The following TTLL1 variants were observed in gnomAD, a reference collection of about 807,000 sequenced individuals.
TTLL1 encodes polyglutamylase complex subunit TTLL1.
A neutral mutation model predicts 47.8 loss-of-function variants in TTLL1; 33 were observed. The observed-to-expected ratio is 0.69, with a 90% confidence interval of 0.52 to 0.92. The LOEUF is 0.92. Among genes scored for constraint, TTLL1 ranks in the 40% least tolerant of loss-of-function variants. The pLI, the probability that TTLL1 is intolerant of heterozygous loss-of-function variation, is 0.00. For missense variants in TTLL1, 488 were observed against 547.5 expected (o/e 0.89, Z 1.08); for synonymous variants, 225 against 214.1 (o/e 1.05, Z -0.45).
At position 43,051,890 on chromosome 22, in the gene TTLL1, GGA is replaced by G. The variant is rs760234023; in HGVS notation, c.892-5_892-4del. On this transcript the variant is annotated splice_region_variant and splice_polypyrimidine_tract_variant and intron_variant, in intron 8 of 10. Transcript: ENST00000266254. Reference sequence around the variant, plus strand: ...TGCTTGTCATTGTTCATCACCGGCTGGAGAGAGAGTGACCAGTGGGTGACATG... The same window carrying G: ...TGCTTGTCATTGTTCATCACCGGCTGGAGAGAGTGACCAGTGGGTGACATG... 3.1e-6 allele frequency: 5 copies of G among 1,613,802 alleles called. No homozygotes were observed. Among genetic ancestry groups the G allele is most frequent in the Non-Finnish European group, 4.2e-6 (5 of 1,179,866 alleles).
chr22:43,072,953 T>G (rs1271047120), intron 3 of TTLL1, among the ~76,000 whole-genome samples: 2 of 152,226 alleles, frequency 1.3e-5, no homozygotes, highest in Admixed American at 6.5e-5. Flanking sequence ...GGGGTATTTT[T>G]CTGTTTGCAG....
chr22:43,056,568 C>T (rs1456183233), intron 8 of TTLL1, among the ~76,000 whole-genome samples: 1 of 149,156 alleles, frequency 6.7e-6, no homozygotes, highest in Non-Finnish European at 1.5e-5. Context: ...TGGATCACCT[C>T]AGGTCAGGAG....
At chr22:43,068,955 C>G (rs979405885) in intron 4 of TTLL1, among the ~76,000 whole-genome samples, 1 of 152,058 alleles carries the variant, frequency 6.6e-6, no homozygotes, top group Non-Finnish European at 1.5e-5. Context: ...AGCTTTTATC[C>G]CGGACTTGGA....
intron 1 of TTLL1, among the ~76,000 whole-genome samples, chr22:43,085,608 A>G (rs1012132996): frequency 2.0e-5 from 3 of 152,116 alleles, no homozygotes; most frequent in African/African-American, 7.2e-5. Context: ...CTCTTCCTTC[A>G]TCTTCCGCCA....
In TTLL1 at chr22:43,059,599, C is replaced by T. The variant is rs192591929; in HGVS notation, c.748-72G>A. The T allele has an allele frequency of 3.3e-3, 4,993 of 1,504,932 alleles. 7 individuals carry two copies. Among genetic ancestry groups the T allele is most frequent in the Non-Finnish European group, 4.1e-3 (4,583 of 1,122,086 alleles). The allele number at this position is 1,504,932 out of a possible 1,614,324, so 93.2% of individuals were successfully genotyped here. ...GAGGAACCCAGCGGAACCGTTGCAT[C>T]CCCCAAGCATTTCTGGAGTGCCCCC... On this transcript the variant is annotated intron_variant, in intron 7 of 10. Coordinates refer to ENST00000266254, the MANE Select transcript of TTLL1 (RefSeq NM_012263.5).
At position 43,059,372 on chromosome 22, in the gene TTLL1, C is replaced by T. The variant is rs761986799; in HGVS notation, c.891+12G>A. On this transcript the variant is annotated intron_variant, in intron 8 of 10. Transcript: ENST00000266254. ...CCCTGGGAGCCGGCTCCCCCGCCCGCACCAAACTCACCGCCACAGCCTTCA... is the reference window on the plus strand; with the variant it reads ...CCCTGGGAGCCGGCTCCCCCGCCCGTACCAAACTCACCGCCACAGCCTTCA... 47 of 1,606,564 alleles carry T rather than the reference C, an allele frequency of 2.9e-5. 1 individual carries two copies. The South Asian group carries it at 5.1e-4, about 17-fold the overall frequency.
In TTLL1 at chr22:43,068,415, T is replaced by C; in HGVS notation, c.498A>G (p.Thr166=). 6.6e-7 allele frequency: 1 copy of C among 1,505,442 alleles called. No individual in the cohort carries two copies. Among genetic ancestry groups the C allele is most frequent in the Non-Finnish European group, 9.0e-7 (1 of 1,108,426 alleles). The allele number at this position is 1,505,442 out of a possible 1,614,324, so 93.3% of individuals were successfully genotyped here. The change falls in exon 5 of 11, where the codon ACA becomes ACG. Residue 166 remains threonine (T), a synonymous_variant. Transcript: ENST00000266254. ...GGGTGGCTGCCCACACTTACGAAGA[T>C]GTCTTGCTGTCCCGGGACCACTTTT... The part of the protein sequence containing the change: ...QIKKWSRDSK[T]SSFVSQSNKE...
At chr22:43,082,519 C>T (rs978230159) in intron 1 of TTLL1, among the ~76,000 whole-genome samples, 1 of 151,872 alleles carries the variant, frequency 6.6e-6, no homozygotes, top group Non-Finnish European at 1.5e-5. Context: ...AGTTCGAGAC[C>T]AGCCTGACCA....
At chr22:43,069,241 A>T (rs888811772) in intron 4 of TTLL1, among the ~76,000 whole-genome samples, 3 of 142,428 alleles carry the variant, frequency 2.1e-5, no homozygotes, top group African/African-American at 8.2e-5. Flanking sequence ...AAAAAAAAAA[A>T]ATTAGTCGGG....
chr22:43,054,603 T>C (rs1218743870), intron 8 of TTLL1, among the ~76,000 whole-genome samples: 1 of 151,948 alleles, frequency 6.6e-6, no homozygotes, highest in Non-Finnish European at 1.5e-5. Context: ...TTTGTATTTT[T>C]AGTAGAGATA....
At chr22:43,070,345 A>C (rs1928035551) in intron 3 of TTLL1, 1 of 525,472 alleles carries the variant, frequency 1.9e-6, no homozygotes, top group African/African-American at 2.0e-5. Flanking sequence ...CAGAGTTGAA[A>C]GAGAAATAGA....
At chr22:43,054,385 A>G (rs1381776986) in intron 8 of TTLL1, among the ~76,000 whole-genome samples, 1 of 152,082 alleles carries the variant, frequency 6.6e-6, no homozygotes, top group Non-Finnish European at 1.5e-5. Flanking sequence ...AGCTTCACTT[A>G]AAGTGCAGAA....
intron 5 of TTLL1, among the ~76,000 whole-genome samples, chr22:43,065,654 C>A (rs1601683257): frequency 6.6e-6 from 1 of 152,068 alleles, no homozygotes; most frequent in East Asian, 1.9e-4. Flanking sequence ...GCGATCACAG[C>A]TCACTGCAGT....
At chr22:43,084,689 G>C (rs564620265) in intron 1 of TTLL1, among the ~76,000 whole-genome samples, 1 of 152,050 alleles carries the variant, frequency 6.6e-6, no homozygotes, top group African/African-American at 2.4e-5. Flanking sequence ...TTTTAGTAGA[G>C]ATGGGGTTTC....
chr22:43,070,092 G>T, intron 3 of TTLL1: 1 of 1,303,260 alleles, frequency 7.7e-7, no homozygotes, highest in Non-Finnish European at 1.1e-6. Flanking sequence ...CTCTGGCCCG[G>T]AGCAGGCACT....
rs187450590 is a variant in TTLL1 at position 43,061,082 on chromosome 22, C to A, written c.748-1555G>T. Among the ~76,000 whole-genome samples the A allele has an allele frequency of 3.2e-3, 492 of 151,976 alleles. 3 individuals are homozygous for A. Among genetic ancestry groups the A allele is most frequent in the African/African-American group, 0.012 (479 of 41,428 alleles). ...GCGTGCACCTGTAACCCCAGTTACT[C>A]GGGGGGCTGAGGCAGAAGAATCGCT... On this transcript the variant is annotated intron_variant, in intron 7 of 10. Transcript: ENST00000266254.
At chr22:43,075,244 G>T (rs1047483740) in intron 3 of TTLL1, among the ~76,000 whole-genome samples, 5 of 151,858 alleles carry the variant, frequency 3.3e-5, no homozygotes, top group African/African-American at 1.2e-4. Context: ...CTCCCCACAG[G>T]GTTGCTGTGC....
At chr22:43,057,542 G>A (rs1177469375) in intron 8 of TTLL1, among the ~76,000 whole-genome samples, 3 of 152,112 alleles carry the variant, frequency 2.0e-5, no homozygotes, top group Admixed American at 6.6e-5. Flanking sequence ...TGAGCTTTGG[G>A]AGTTTTGTAA....
chr22:43,084,962 C>CTTTTTTTTTTT (rs148980685), intron 1 of TTLL1, among the ~76,000 whole-genome samples: 5 of 112,750 alleles, frequency 4.4e-5, no homozygotes, highest in East Asian at 3.5e-4. Context: ...AAGCTGCCAC[C>CTTTTTTTTTTT]TTTTTTTTTT....
Sources: gnomAD v4.1 joint callset for allele counts (sites outside exome capture counted in the v4.1 genomes callset) on GRCh38, gnomAD v4.1.1 for gene constraint, MANE v1.5 for transcripts, NCBI Gene and HGNC (gene_info 2026-07-23, HGNC 2026-07-21) for gene names.